SPATA17: variants seen among roughly 807,000 people sequenced by gnomAD.
SPATA17 encodes spermatogenesis associated 17.
A neutral mutation model predicts 62.2 loss-of-function variants in SPATA17; 53 were observed. That is an observed-to-expected ratio of 0.85 (90% confidence interval 0.68 to 1.07). SPATA17 has a LOEUF of 1.07. Ranked by LOEUF, SPATA17 falls within the 50% of genes least tolerant of loss-of-function variation. The probability of loss-of-function intolerance (pLI) is 0.00; values close to 1 mark genes in which losing one functional copy is unlikely to be tolerated. For synonymous variants in SPATA17, 146 were observed against 146.8 expected, an observed-to-expected ratio of 0.99 and a Z score of 0.04; for missense variants, 466 against 425.5, an observed-to-expected ratio of 1.10 and a Z score of -0.84.
At chr1:217,658,513 C>A (rs1176029670) in intron 3 of SPATA17, among the ~76,000 whole-genome samples, 1 of 152,140 alleles carries the variant, frequency 6.6e-6, no homozygotes, top group Non-Finnish European at 1.5e-5. Flanking sequence ...AATCCCAGGA[C>A]TTTGGGAGGT....
chr1:217,648,825 C>A, intron 1 of SPATA17, 57 bp from the exon 2 acceptor site: 1 of 1,053,080 alleles, frequency 9.5e-7, no homozygotes, highest in Non-Finnish European at 1.4e-6. Flanking sequence ...AACAGGTTGA[C>A]TTGCTTTAGA....
intron 5 of SPATA17, among the ~76,000 whole-genome samples, chr1:217,712,913 C>T (rs1671911681): frequency 6.6e-6 from 1 of 152,094 alleles, no homozygotes; most frequent in African/African-American, 2.4e-5. Flanking sequence ...ATGGAACAGT[C>T]AGAGCCAAGA....
intron 1 of SPATA17, among the ~76,000 whole-genome samples, chr1:217,635,658 C>T (rs991464745): frequency 2.6e-5 from 4 of 151,764 alleles, no homozygotes; most frequent in African/African-American, 9.7e-5. Context: ...GAGCCAAGGT[C>T]GGACCATTGC....
At chr1:217,651,340 C>G (rs2102884220) in intron 3 of SPATA17, among the ~76,000 whole-genome samples, 162 bp downstream of exon 3, 1 of 152,280 alleles carries the variant, frequency 6.6e-6, no homozygotes, top group African/African-American at 2.4e-5. Flanking sequence ...TTCTTGAAAG[C>G]ATTTTCTGAT....
intron 9 of SPATA17, among the ~76,000 whole-genome samples, chr1:217,849,344 A>G (rs574757036): frequency 6.6e-6 from 1 of 152,262 alleles, no homozygotes; most frequent in African/African-American, 2.4e-5. Context: ...ACAAAATAGC[A>G]CTAATTTGAC....
At chr1:217,739,261 C>A (rs1226160727) in intron 5 of SPATA17, among the ~76,000 whole-genome samples, 2 of 152,010 alleles carry the variant, frequency 1.3e-5, no homozygotes, top group African/African-American at 4.8e-5. Flanking sequence ...ATATGCATGG[C>A]TAATTTAATA....
chr1:217,770,978 A>ATTTTTTTTTTT lies in SPATA17; in HGVS notation c.520-3336_520-3326dup, dbSNP rs374042087. ...ATGTATCTATTATATAACTCATTGC[A>ATTTTTTTTTTT]TTTTTTTTTTTTTTTTTTTTTTTTT... On this transcript the variant is annotated intron_variant, in intron 6 of 10. Coordinates refer to ENST00000366933, the MANE Select transcript of SPATA17 (RefSeq NM_138796.4). Among the ~76,000 whole-genome samples, 55 of 50,156 alleles carry ATTTTTTTTTTT rather than the reference A, an allele frequency of 1.1e-3. 5 individuals carry two copies. The highest frequency in any genetic ancestry group is 2.2e-3 in the African/African-American group (25 of 11,570). 32.9% of individuals were successfully genotyped at this position (50,156 alleles called of 152,430 possible).
intron 5 of SPATA17, among the ~76,000 whole-genome samples, chr1:217,701,610 C>T (rs996941471): frequency 9.9e-5 from 15 of 151,868 alleles, no homozygotes; most frequent in African/African-American, 3.6e-4. Flanking sequence ...TGGTCTTGAA[C>T]TCCTGACCTC....
rs1016149425 is a variant in SPATA17, at chr1:217,870,492, G to A, written c.*3473G>A. On this transcript the variant is annotated 3_prime_UTR_variant, in exon 11 of 11. Transcript: ENST00000366933. The stretch of plus-strand genomic sequence containing the variant: ...TGAAATCTTATTAGAAAATATAACT[G>A]GGGAAAGCAGTTTGTCTGTTTCTCC... 3 of 152,076 alleles carry A rather than the reference G, an allele frequency of 2.0e-5. No individual in the cohort carries two copies. The highest frequency in any genetic ancestry group is 4.8e-5 in the African/African-American group (2 of 41,414). 9.4% of individuals were successfully genotyped at this position (152,076 alleles called of 1,614,324 possible).
intron 5 of SPATA17, among the ~76,000 whole-genome samples, chr1:217,721,199 T>C (rs898574747): frequency 2.0e-5 from 3 of 152,230 alleles, no homozygotes; most frequent in African/African-American, 4.8e-5. Flanking sequence ...CAATTTACTT[T>C]GGCTTAATAC....
intron 10 of SPATA17, 94 bp downstream of exon 10, chr1:217,862,950 A>C: frequency 2.9e-6 from 2 of 698,022 alleles, no homozygotes; most frequent in Non-Finnish European, 2.3e-6. Context: ...CATTTTAAAA[A>C]CCATGCTATA....
At chr1:217,780,848 C>T (rs923165693) in intron 7 of SPATA17, among the ~76,000 whole-genome samples, 3 of 151,978 alleles carry the variant, frequency 2.0e-5, no homozygotes, top group Non-Finnish European at 2.9e-5. Flanking sequence ...TTCCATTTTA[C>T]AAATGATGAA....
At chr1:217,684,947 A>C (rs937128125) in intron 5 of SPATA17, among the ~76,000 whole-genome samples, 1 of 152,164 alleles carries the variant, frequency 6.6e-6, no homozygotes, top group Non-Finnish European at 1.5e-5. Context: ...AGAGCAGTTA[A>C]GGGGGGAAGG....
chr1:217,640,001 G>A lies in SPATA17; in HGVS notation c.68+8555G>A, dbSNP rs540618758. ...TAGTAAATTTATTCATCTGACTTTA[G>A]CAATCTGAGTTGTTCTTGGAACAGT... On this transcript the variant is annotated intron_variant, in intron 1 of 10. Coordinates refer to ENST00000366933, the MANE Select transcript of SPATA17 (RefSeq NM_138796.4). 1.5e-4 allele frequency among the ~76,000 whole-genome samples: 22 copies of A among 151,568 alleles called. No individual in the cohort carries two copies. In the East Asian group the frequency reaches 2.9e-3, roughly 20 times the overall value.
At chr1:217,793,485 G>T (rs1472740944) in intron 8 of SPATA17, among the ~76,000 whole-genome samples, 1 of 152,072 alleles carries the variant, frequency 6.6e-6, no homozygotes, top group African/African-American at 2.4e-5. Context: ...CTCCCAAAGT[G>T]CTGGGATTAC....
intron 9 of SPATA17, among the ~76,000 whole-genome samples, chr1:217,816,998 G>T (rs986806016): frequency 2.0e-5 from 3 of 151,952 alleles, no homozygotes; most frequent in African/African-American, 7.2e-5. Context: ...CTTCCTTTGG[G>T]TTCAGCTCAT....
intron 9 of SPATA17, among the ~76,000 whole-genome samples, chr1:217,816,758 A>G (rs941605560): frequency 8.5e-5 from 13 of 152,238 alleles, no homozygotes; most frequent in African/African-American, 3.1e-4. Flanking sequence ...GTATCTAAAA[A>G]GATCAATATG....
intron 6 of SPATA17, among the ~76,000 whole-genome samples, chr1:217,749,958 T>TCC (rs1672859594): frequency 2.4e-5 from 1 of 40,850 alleles, no homozygotes; most frequent in Admixed American, 2.1e-4. Flanking sequence ...TCTCTCTCTC[T>TCC]CTCTCTCTCT....
intron 5 of SPATA17, among the ~76,000 whole-genome samples, chr1:217,715,396 A>G (rs1671978271): frequency 6.6e-6 from 1 of 152,202 alleles, no homozygotes; most frequent in African/African-American, 2.4e-5. Flanking sequence ...ATTTATCATT[A>G]ATATGAACAT....
Sources: gnomAD v4.1 joint callset for allele counts (sites outside exome capture counted in the v4.1 genomes callset) on GRCh38, gnomAD v4.1.1 for gene constraint, MANE v1.5 for transcripts, NCBI Gene and HGNC (gene_info 2026-07-23, HGNC 2026-07-21) for gene names.